The following KIF13A variants were observed in gnomAD, a reference collection of about 807,000 sequenced individuals.
KIF13A encodes kinesin-like protein KIF13A.
In KIF13A, 79 loss-of-function variants were observed where a neutral mutation model predicts 212.2. The ratio of observed to expected loss-of-function variants is 0.37; its 90% CI spans 0.31 to 0.45. The LOEUF is 0.45. KIF13A is among the 20% of genes least tolerant of loss of function. The pLI, the probability that KIF13A is intolerant of heterozygous loss-of-function variation, is 1.00. For missense variants in KIF13A, 1,901 were observed against 2,209.0 expected (o/e 0.86, Z 2.79); for synonymous variants, 789 against 808.6 (o/e 0.98, Z 0.41).
chr6:17,943,918 C>T (rs1236942395), intron 2 of KIF13A, among the ~76,000 whole-genome samples: 1 of 152,062 alleles, frequency 6.6e-6, no homozygotes, highest in African/African-American at 2.4e-5. Context: ...GAGATCAGTT[C>T]AGAAAGCCTC....
intron 16 of KIF13A, chr6:17,822,011 G>A (rs1764502806): frequency 2.5e-6 from 3 of 1,194,766 alleles, no homozygotes; most frequent in Non-Finnish European, 3.5e-6. Flanking sequence ...ACTGGAACTG[G>A]GTAAAGGATG....
At chr6:17,901,738 G>A (rs1226804349) in intron 2 of KIF13A, among the ~76,000 whole-genome samples, 1 of 152,148 alleles carries the variant, frequency 6.6e-6, no homozygotes, top group African/African-American at 2.4e-5. Flanking sequence ...AAATTTTAAT[G>A]TGCCAAATTC....
intron 3 of KIF13A, among the ~76,000 whole-genome samples, chr6:17,880,660 CT>C (rs1193375662): frequency 6.9e-6 from 1 of 144,838 alleles, no homozygotes; most frequent in Admixed American, 6.9e-5. Context: ...AGGTCTTGCT[CT>C]GTTGTCCAGG....
intron 2 of KIF13A, among the ~76,000 whole-genome samples, chr6:17,933,475 C>T (rs1211613843): frequency 6.8e-6 from 1 of 146,156 alleles, no homozygotes; most frequent in Non-Finnish European, 1.5e-5. Context: ...AACTCCTGGA[C>T]TCAAGTGATC....
rs1771558267 is a variant in KIF13A, at chr6:17,886,559, G to T, written c.159+11609C>A. On this transcript the variant is annotated intron_variant, in intron 3 of 38. Coordinates refer to ENST00000259711, the MANE Select transcript of KIF13A (RefSeq NM_022113.6). The surrounding 1 kb of genome is among the most constrained non-coding windows in gnomAD (Gnocchi z 5.6). ...GAGATGGATATCTTTTCTTCCTGGGGCCTATACTCCATGTGACCTGGTACT... is the reference window on the plus strand; with the variant it reads ...GAGATGGATATCTTTTCTTCCTGGGTCCTATACTCCATGTGACCTGGTACT... Among the ~76,000 whole-genome samples, 1 of 152,130 alleles carries T rather than the reference G, an allele frequency of 6.6e-6. No individual in the cohort carries two copies. Among genetic ancestry groups the T allele is most frequent in the Non-Finnish European group, 1.5e-5 (1 of 68,018 alleles).
Position 17,892,028 on chromosome 6 carries a change from CTT to C in KIF13A, c.159+6138_159+6139del, listed in dbSNP as rs1772108714. Among the ~76,000 whole-genome samples, 1 of 152,174 alleles carries C rather than the reference CTT, an allele frequency of 6.6e-6. No individual in the cohort carries two copies. Among genetic ancestry groups the C allele is most frequent in the African/African-American group, 2.4e-5 (1 of 41,460 alleles). On this transcript the variant is annotated intron_variant, in intron 3 of 38. Transcript: ENST00000259711. The surrounding 1 kb of genome is among the most constrained non-coding windows in gnomAD (Gnocchi z 4.7). ...TCTTCACCCCAATAATTTACCTGAT[CTT>C]TGTAAGGCAGAGTCGGCAAATTCGT... is the stretch of plus-strand genomic sequence containing the variant.
chr6:17,956,789 G>A (rs554367009), intron 2 of KIF13A, among the ~76,000 whole-genome samples: 1 of 152,222 alleles, frequency 6.6e-6, no homozygotes, highest in South Asian at 2.1e-4. Context: ...AGGAAGAAAT[G>A]CTGCATAGAG....
At chr6:17,950,293 A>G in intron 2 of KIF13A, 1 of 506,502 alleles carries the variant, frequency 2.0e-6, no homozygotes, top group Non-Finnish European at 2.5e-6. Flanking sequence ...AGAGCTGAGA[A>G]CAAGCTGATT....
At chr6:17,791,108 CTTT>C (rs75867605) in intron 25 of KIF13A, among the ~76,000 whole-genome samples, 5 of 137,222 alleles carry the variant, frequency 3.6e-5, no homozygotes, top group East Asian at 4.2e-4. Context: ...AAATGAACTG[CTTT>C]TTTTTTTTTT....
chr6:17,833,342 A>G (rs1444602058), intron 12 of KIF13A, among the ~76,000 whole-genome samples: 2 of 151,876 alleles, frequency 1.3e-5, no homozygotes, highest in African/African-American at 4.8e-5. Context: ...CAAAATAGAT[A>G]AAATTAGCTG....
rs1287643891 is a variant in KIF13A, at chr6:17,816,591, T to TC, written c.2000+428_2000+429insG. ...CCTCAGCCTCCCCAAGTGCTAGGAT[T>TC]ACAGGTGTGAGCCACTGCACCCAGC... On this transcript the variant is annotated intron_variant, in intron 17 of 38. Transcript: ENST00000259711. The surrounding 1 kb of genome is among the most constrained non-coding windows in gnomAD (Gnocchi z 4.3). Among the ~76,000 whole-genome samples, 1 of 152,224 alleles carries TC rather than the reference T, an allele frequency of 6.6e-6. No individual in the cohort carries two copies. Among genetic ancestry groups the TC allele is most frequent in the Non-Finnish European group, 1.5e-5 (1 of 68,042 alleles).
intron 2 of KIF13A, among the ~76,000 whole-genome samples, chr6:17,945,722 G>C (rs1420637780): frequency 1.3e-5 from 2 of 152,136 alleles, no homozygotes; most frequent in African/African-American, 4.8e-5. Flanking sequence ...TCCCAAAATA[G>C]TTTTTAATGG....
chr6:17,778,483 G>C (rs1760194710), intron 33 of KIF13A, among the ~76,000 whole-genome samples: 1 of 151,986 alleles, frequency 6.6e-6, no homozygotes. Context: ...TGAATGACCT[G>C]TTGTCACCTC....
At chr6:17,841,732 G>C (rs1372314789) in intron 9 of KIF13A, among the ~76,000 whole-genome samples, 1 of 152,014 alleles carries the variant, frequency 6.6e-6, no homozygotes, top group African/African-American at 2.4e-5. Flanking sequence ...CATCCCCTTG[G>C]AACAGAATGA....
At position 17,912,179 on chromosome 6, in the gene KIF13A, G is replaced by A. The variant is rs9371026; in HGVS notation, c.147-13999C>T. On this transcript the variant is annotated intron_variant, in intron 2 of 38. Transcript: ENST00000259711. This position sits in a 1 kb window ranked among gnomAD's most constrained non-coding sequence, Gnocchi z 4.2. ...CCATTCTCCATGATGTGATTATTACGCATTGCATGCCTACATCAAAACATC... is the reference window on the plus strand; with the variant it reads ...CCATTCTCCATGATGTGATTATTACACATTGCATGCCTACATCAAAACATC... 2.0e-5 allele frequency among the ~76,000 whole-genome samples: 3 copies of A among 152,048 alleles called. No individual in the cohort carries two copies. Among genetic ancestry groups the A allele is most frequent in the South Asian group, 2.1e-4 (1 of 4,826 alleles).
At chr6:17,759,221 G>T (rs1758483278), downstream of KIF13A, 1 of 152,074 alleles carries the variant, frequency 6.6e-6, no homozygotes, top group South Asian at 2.1e-4. Context: ...TAAAGGCAGG[G>T]TTATTAAAGA....
intron 25 of KIF13A, among the ~76,000 whole-genome samples, chr6:17,793,791 G>A (rs1581943199): frequency 1.3e-5 from 2 of 151,936 alleles, no homozygotes; most frequent in East Asian, 3.9e-4. Context: ...ATGTGTGCTT[G>A]TAGTCCCAGC....
In KIF13A at chr6:17,987,471, GCGCTCGCCCGGC is replaced by G. The variant is rs763154397; in HGVS notation, c.-20_-9del. ...TACCTTGGTATCCGACATGTTGGCT[GCGCTCGCCCGGC>G]CGCTCGCCGCGCCCGCTCGGCCTTA... On this transcript the variant is annotated 5_prime_UTR_variant, in exon 1 of 39. Coordinates refer to ENST00000259711, the MANE Select transcript of KIF13A (RefSeq NM_022113.6). This position sits in a 1 kb window ranked among gnomAD's most constrained non-coding sequence, Gnocchi z 7.7. 8,756 of 1,286,040 alleles carry G rather than the reference GCGCTCGCCCGGC, an allele frequency of 6.8e-3. 46 individuals are homozygous for G. Among genetic ancestry groups the G allele is most frequent in the Non-Finnish European group, 8.0e-3 (7,832 of 983,376 alleles). 79.7% of individuals were successfully genotyped at this position (1,286,040 alleles called of 1,614,324 possible). A position where few individuals can be genotyped will look rare whatever the true frequency, so the allele number is the denominator to read the frequency against.
intron 29 of KIF13A, among the ~76,000 whole-genome samples, chr6:17,782,331 A>T (rs1760668671): frequency 6.6e-6 from 1 of 152,142 alleles, no homozygotes. Flanking sequence ...CTAGGTACAA[A>T]TATATTCATT....
Sources: gnomAD v4.1 joint callset for allele counts (sites outside exome capture counted in the v4.1 genomes callset) on GRCh38, gnomAD v4.1.1 for gene constraint, Gnocchi (gnomAD v3.1) non-coding constraint, MANE v1.5 for transcripts, NCBI Gene and HGNC (gene_info 2026-07-23, HGNC 2026-07-21) for gene names.